The following TIAM2 variants were observed in gnomAD, a reference collection of about 807,000 sequenced individuals.
TIAM2 encodes rho guanine nucleotide exchange factor TIAM2.
In TIAM2, 80 loss-of-function variants were observed where a neutral mutation model predicts 152.9. That is an observed-to-expected ratio of 0.52 (90% CI 0.44 to 0.63). TIAM2 has a LOEUF of 0.63. Ranked by LOEUF, TIAM2 falls within the 30% of genes least tolerant of loss-of-function variation. The pLI is 0.00. For synonymous variants in TIAM2, 804 were observed against 838.0 expected (o/e 0.96, Z 0.70); for missense variants, 1,965 against 2,120.1 (o/e 0.93, Z 1.44).
rs779041113 is a variant in TIAM2 at position 155,250,896 on chromosome 6, C to A, written c.3952-17C>A. The A allele has an allele frequency of 1.2e-6, 2 of 1,611,282 alleles. No individual in the cohort carries two copies. The highest frequency in any genetic ancestry group is 1.7e-6 in the Non-Finnish European group (2 of 1,177,402). ...GGGATTTCCGTATCTTCCTTACCTC[C>A]TGTTTTTACAATCTAGGTAACAGAA... On this transcript the variant is annotated splice_polypyrimidine_tract_variant and intron_variant, in intron 21 of 26. Transcript: ENST00000682666.
chr6:155,133,498 A>G (rs1779491918), intron 4 of TIAM2, among the ~76,000 whole-genome samples: 1 of 152,120 alleles, frequency 6.6e-6, no homozygotes, highest in South Asian at 2.1e-4. Flanking sequence ...AATTTCAGGC[A>G]TAGAATATAG....
chr6:155,020,580 G>A, intron 1 of TIAM2, among the ~76,000 whole-genome samples: 1 of 152,102 alleles, frequency 6.6e-6, no homozygotes, highest in Non-Finnish European at 1.5e-5. Flanking sequence ...TCCTGCCTCA[G>A]TCTCTTGAGT....
At chr6:155,165,547 T>C (rs775335950) in intron 9 of TIAM2, 138 bp downstream of exon 9, 193 of 1,233,404 alleles carry the variant, frequency 1.6e-4, no homozygotes, top group Non-Finnish European at 2.0e-4. Context: ...CGCCTGTAAT[T>C]CTAGCACACT....
At chr6:155,049,305 G>C (rs943415920) in intron 1 of TIAM2, among the ~76,000 whole-genome samples, 1 of 152,096 alleles carries the variant, frequency 6.6e-6, no homozygotes, top group African/African-American at 2.4e-5. Flanking sequence ...AGGGTTCGAC[G>C]GTTAATGGCC....
intron 4 of TIAM2, among the ~76,000 whole-genome samples, chr6:155,130,691 C>T (rs1235481528): frequency 1.3e-5 from 2 of 152,180 alleles, no homozygotes; most frequent in Non-Finnish European, 2.9e-5. Flanking sequence ...TTGGTTTAAT[C>T]AACAGACATC....
rs1356721616 is a variant in TIAM2 at position 155,052,787 on chromosome 6, AAAAG to A, written c.-208-37494_-208-37491del. ...AAACTCCATCTCAAAAAAAAAAAAA[AAAAG>A]AAAGAAATTGATAGCCTGATATGCA... On this transcript the variant is annotated intron_variant, in intron 1 of 26. Transcript: ENST00000682666. Among the ~76,000 whole-genome samples the A allele has an allele frequency of 2.0e-4, 30 of 152,062 alleles. 1 individual carries two copies. The highest frequency in any genetic ancestry group is 1.2e-3 in the Admixed American group (18 of 15,246).
In TIAM2 at chr6:155,034,993, C is replaced by T. The variant is rs927141424; in HGVS notation, c.-209+39501C>T. On this transcript the variant is annotated intron_variant, in intron 1 of 26. Coordinates refer to ENST00000682666, the MANE Select transcript of TIAM2 (RefSeq NM_012454.4). Reference sequence around the variant, plus strand: ...TTAAAAAACAGAAACCAAAACCCACCATAATAAATCTAAGGAAATTTAAAA... The same window carrying T: ...TTAAAAAACAGAAACCAAAACCCACTATAATAAATCTAAGGAAATTTAAAA... Among the ~76,000 whole-genome samples, 4 of 152,062 alleles carry T rather than the reference C, an allele frequency of 2.6e-5. No homozygotes were observed. The East Asian group carries it at 7.7e-4, about 29-fold the overall frequency.
chr6:155,178,633 G>A (rs1301685780), intron 10 of TIAM2, among the ~76,000 whole-genome samples: 1 of 152,056 alleles, frequency 6.6e-6, no homozygotes, highest in Non-Finnish European at 1.5e-5. Context: ...GGAGTGCAGT[G>A]GTGCTACCTC....
chr6:154,998,003 A>T (rs974458393), intron 1 of TIAM2, among the ~76,000 whole-genome samples: 4 of 152,040 alleles, frequency 2.6e-5, no homozygotes, highest in Non-Finnish European at 5.9e-5. Context: ...TTTTTTGTAT[A>T]AGTCAGTATA....
intron 7 of TIAM2, among the ~76,000 whole-genome samples, chr6:155,158,226 C>CT: frequency 6.6e-6 from 1 of 152,130 alleles, no homozygotes; most frequent in East Asian, 1.9e-4. Context: ...TACTTGTCAT[C>CT]TTTTAAAAAA....
chr6:155,225,571 C>G (rs1315534117), intron 15 of TIAM2, among the ~76,000 whole-genome samples: 1 of 152,232 alleles, frequency 6.6e-6, no homozygotes, highest in East Asian at 1.9e-4. Context: ...GGTTCTGCTG[C>G]CTTCTCTAGA....
chr6:155,254,030 G>A lies in TIAM2; in HGVS notation c.4283G>A (p.Arg1428Gln), dbSNP rs557882458. 12 of 1,614,002 alleles carry A rather than the reference G, an allele frequency of 7.4e-6. No individual in the cohort carries two copies. Among genetic ancestry groups the A allele is most frequent in the African/African-American group, 4.0e-5 (3 of 74,990 alleles). The change falls in exon 25 of 27, where the codon CGG (arginine) becomes CAG (glutamine). Residue 1428 changes from arginine to glutamine, a missense_variant. By Grantham distance (43) the Arg-to-Gln change is conservative. Transcript: ENST00000682666. ...CATACGAAGTCAGAAATAGAAGGAC[G>A]GCCAGAAACCATCTTTCAGTTGTGT... ...LIHTKSEIEG[R>Q]PETIFQLCCS... is the part of the protein sequence containing the mutation.
intron 1 of TIAM2, among the ~76,000 whole-genome samples, chr6:155,012,926 T>A (rs1778513680): frequency 6.6e-6 from 1 of 152,118 alleles, no homozygotes; most frequent in Non-Finnish European, 1.5e-5. Context: ...CATATTGAAA[T>A]CATAAAATAC....
chr6:155,032,750 A>G (rs952733213), intron 1 of TIAM2, among the ~76,000 whole-genome samples: 1 of 152,174 alleles, frequency 6.6e-6, no homozygotes, highest in Non-Finnish European at 1.5e-5. Flanking sequence ...CATGTTGGCC[A>G]GGCTGGTCTT....
rs1323738239 is a variant in TIAM2 at position 155,243,999 on chromosome 6, A to G, written c.3349-12A>G. The stretch of plus-strand genomic sequence containing the variant: ...TAAAGCGTTGAAGACACTTTCTTCT[A>G]TTTTCTTTCAGGATTTGAGCTGCCT... On this transcript the variant is annotated splice_polypyrimidine_tract_variant and intron_variant, in intron 16 of 26. Transcript: ENST00000682666. 8 of 1,613,312 alleles carry G rather than the reference A, an allele frequency of 5.0e-6. No individual in the cohort carries two copies. The highest frequency in any genetic ancestry group is 2.2e-5 in the East Asian group (1 of 44,844).
chr6:155,019,414 G>T (rs937167369), intron 1 of TIAM2, among the ~76,000 whole-genome samples: 1 of 152,184 alleles, frequency 6.6e-6, no homozygotes, highest in African/African-American at 2.4e-5. Flanking sequence ...ATAGTGAATG[G>T]GTAACTGTAA....
chr6:155,187,462 C>G (rs1283852226), intron 14 of TIAM2, among the ~76,000 whole-genome samples: 3 of 151,754 alleles, frequency 2.0e-5, no homozygotes, highest in African/African-American at 7.3e-5. Context: ...TCCTAGTGCC[C>G]AAGACTCACC....
intron 7 of TIAM2, chr6:155,149,183 C>T (rs897176334): frequency 5.4e-5 from 9 of 167,116 alleles, no homozygotes; most frequent in South Asian, 2.1e-4. Flanking sequence ...GGCCGGCCTT[C>T]GTCCCCTCAG....
intron 1 of TIAM2, among the ~76,000 whole-genome samples, chr6:155,016,774 C>T (rs1378631609): frequency 7.9e-6 from 1 of 126,226 alleles, no homozygotes; most frequent in African/African-American, 4.1e-5. Flanking sequence ...GTGATGTGTG[C>T]CTGTAATCCC....
Sources: allele counts gnomAD v4.1 joint callset (sites outside exome capture counted in the v4.1 genomes callset), GRCh38; gene constraint gnomAD v4.1.1; transcripts MANE v1.5; gene names NCBI Gene and HGNC (gene_info 2026-07-23, HGNC 2026-07-21).